APMAP: variants seen among roughly 807,000 people sequenced by gnomAD.
APMAP encodes the protein adipocyte plasma membrane associated protein.
A neutral mutation model predicts 43.6 loss-of-function variants in APMAP; 33 were observed. The observed-to-expected ratio is 0.76, with a 90% CI of 0.57 to 1.01. APMAP has a LOEUF of 1.01. Among genes scored for constraint, APMAP ranks in the 50% least tolerant of loss-of-function variants. APMAP has a pLI of 0.00. For synonymous variants in APMAP, 224 were observed against 216.7 expected (o/e 1.03, Z -0.30); for missense variants, 498 against 540.7 (o/e 0.92, Z 0.78).
In APMAP at chr20:24,969,579, A is replaced by G. The variant is rs767438976; in HGVS notation, c.795T>C (p.Ser265=). The G allele has an allele frequency of 6.2e-7, 1 of 1,614,054 alleles. No homozygotes were observed. Among genetic ancestry groups the G allele is most frequent in the South Asian group, 1.1e-5 (1 of 91,068 alleles). Reference sequence around the variant, plus strand: ...CCACCAGGACAAAGTCTTCTGCAGGAGACAGCTGGACTCCATTCGGGAACC... The same window carrying G: ...CCACCAGGACAAAGTCTTCTGCAGGGGACAGCTGGACTCCATTCGGGAACC... ...QLRFPNGVQL[S]PAEDFVLVAE... is the part of the protein sequence containing the mutation. Residue 265 remains serine (S), a synonymous_variant, in exon 7 of 9, where the codon TCT becomes TCC. Coordinates refer to ENST00000217456, the MANE Select transcript of APMAP (RefSeq NM_020531.3).
intron 2 of APMAP, among the ~76,000 whole-genome samples, chr20:24,981,207 T>C (rs999264763): frequency 6.6e-6 from 1 of 152,158 alleles, no homozygotes; most frequent in Non-Finnish European, 1.5e-5. Context: ...TCTGGGAAGA[T>C]TAGAGGGCTG....
intron 3 of APMAP, among the ~76,000 whole-genome samples, 177 bp downstream of exon 3, chr20:24,978,590 G>A (rs2088070818): frequency 6.6e-6 from 1 of 152,202 alleles, no homozygotes; most frequent in African/African-American, 2.4e-5. Flanking sequence ...CCAGCAGAAA[G>A]AGCCACTAGG....
chr20:24,992,315 A>G (rs541376328), intron 1 of APMAP, among the ~76,000 whole-genome samples: 1 of 152,270 alleles, frequency 6.6e-6, no homozygotes, highest in Admixed American at 6.5e-5. Context: ...AAGGCAAAGG[A>G]GCGGCGCGAG....
intron 1 of APMAP, among the ~76,000 whole-genome samples, chr20:24,989,092 T>A (rs1245525614): frequency 6.7e-6 from 1 of 149,360 alleles, no homozygotes; most frequent in African/African-American, 2.5e-5. Flanking sequence ...TTTCTCGGTG[T>A]CTGCCTCCCT....
At position 24,963,900 on chromosome 20, in the gene APMAP, G is replaced by A; in HGVS notation, c.1164C>T (p.Ile388=). The change falls in exon 9 of 9, where the codon ATC becomes ATT. Residue 388 remains isoleucine, a synonymous_variant. Coordinates refer to ENST00000217456, the MANE Select transcript of APMAP (RefSeq NM_020531.3). ...GCCCATCGTGTTCGTGCACCTCGCT[G>A]ATGTAGGTGGCCACCAGCCCATCGG... The part of the protein sequence containing the change: ...HDPDGLVATY[I]SEVHEHDGHL... 1.2e-6 allele frequency: 2 copies of A among 1,614,256 alleles called. No homozygotes were observed. Among genetic ancestry groups the A allele is most frequent in the Non-Finnish European group, 1.7e-6 (2 of 1,180,050 alleles).
chr20:24,982,705 C>G (rs2088114999), intron 2 of APMAP, among the ~76,000 whole-genome samples: 1 of 152,180 alleles, frequency 6.6e-6, no homozygotes. Context: ...ACAGTTCACT[C>G]CCCCACCTTA....
chr20:24,992,734 G>T lies in APMAP; in HGVS notation c.-46C>A. The T allele has an allele frequency of 1.4e-6, 2 of 1,403,016 alleles. No individual in the cohort carries two copies. Among genetic ancestry groups the T allele is most frequent in the Non-Finnish European group, 9.5e-7 (1 of 1,058,104 alleles). 86.9% of individuals were successfully genotyped at this position (1,403,016 alleles called of 1,614,324 possible). A position where few individuals can be genotyped will look rare whatever the true frequency, so the allele number is the denominator to read the frequency against. On this transcript the variant is annotated 5_prime_UTR_variant, in exon 1 of 9. Coordinates refer to ENST00000217456, the MANE Select transcript of APMAP (RefSeq NM_020531.3). ...CCGCAGAAACCACCTCACACTGAGC[G>T]GCGCCGGCTCAGACTCCAGGCCCGC...
In APMAP at chr20:24,970,376, A is replaced by G. The variant is rs771630262; in HGVS notation, c.539-5T>C. 3 of 1,600,268 alleles carry G rather than the reference A, an allele frequency of 1.9e-6. No individual in the cohort carries two copies. In the African/African-American group the frequency reaches 4.0e-5, roughly 22 times the overall value. On this transcript the variant is annotated splice_polypyrimidine_tract_variant and splice_region_variant and intron_variant, in intron 5 of 8. Transcript: ENST00000217456. ...ACAGCAGCAGTTTCACTTCACCTGAAGTTTAAAAAGAAAGAAAAAGATTGA... is the reference window on the plus strand; with the variant it reads ...ACAGCAGCAGTTTCACTTCACCTGAGGTTTAAAAAGAAAGAAAAAGATTGA...
intron 6 of APMAP, among the ~76,000 whole-genome samples, chr20:24,969,898 A>C (rs2087984365): frequency 6.6e-6 from 1 of 152,258 alleles, no homozygotes; most frequent in South Asian, 2.1e-4. Context: ...GGAGCTGGAC[A>C]GGAATACCCC....
intron 4 of APMAP, among the ~76,000 whole-genome samples, chr20:24,973,082 T>C (rs973838797): frequency 1.3e-5 from 2 of 152,248 alleles, no homozygotes; most frequent in African/African-American, 4.8e-5. Context: ...CTTTGTGTTG[T>C]TTGTGTTTAT....
At position 24,983,962 on chromosome 20, in the gene APMAP, G is replaced by A. The variant is rs773210110; in HGVS notation, c.153C>T (p.Thr51=). Residue 51 remains threonine (T), a synonymous_variant, in exon 2 of 9, where the codon ACC becomes ACT. Transcript: ENST00000217456. ...GCATCATGGCTCCAAGCAGGGGAAC[G>A]GTGAGAGAAACAGCCAGCATCAAGA... ...VTFLMLAVSL[T]VPLLGAMMLL... 1.3e-4 allele frequency: 215 copies of A among 1,613,874 alleles called. No homozygotes were observed. The highest frequency in any genetic ancestry group is 1.7e-4 in the Non-Finnish European group (197 of 1,179,952).
chr20:24,966,128 C>T (rs1369136975), intron 8 of APMAP, among the ~76,000 whole-genome samples: 1 of 152,018 alleles, frequency 6.6e-6, no homozygotes, highest in African/African-American at 2.4e-5. Context: ...GAGAAATGGC[C>T]GATTGCAGAG....
At chr20:24,980,877 C>A (rs542773370) in intron 2 of APMAP, among the ~76,000 whole-genome samples, 13 of 152,364 alleles carry the variant, frequency 8.5e-5, no homozygotes, top group Admixed American at 2.6e-4. Flanking sequence ...ATCACCTCTA[C>A]ACGCCAGGCA....
chr20:24,984,120 C>A, intron 1 of APMAP, 101 bp from the exon 2 acceptor site: 1 of 860,270 alleles, frequency 1.2e-6, no homozygotes, highest in Non-Finnish European at 1.8e-6. Flanking sequence ...GACGCTCATC[C>A]AGTTTCCCCA....
intron 4 of APMAP, among the ~76,000 whole-genome samples, chr20:24,971,944 A>C (rs1465051162): frequency 7.0e-6 from 1 of 143,760 alleles, no homozygotes; most frequent in African/African-American, 2.6e-5. Context: ...TACTCACTGC[A>C]GGTGCTTATT....
chr20:24,977,823 T>C (rs2088063400), intron 3 of APMAP, among the ~76,000 whole-genome samples: 1 of 152,260 alleles, frequency 6.6e-6, no homozygotes, highest in Non-Finnish European at 1.5e-5. Flanking sequence ...TAAATGCCAA[T>C]GTCTTTTTAA....
intron 2 of APMAP, among the ~76,000 whole-genome samples, chr20:24,980,545 A>G (rs2088094340): frequency 6.9e-6 from 1 of 145,266 alleles, no homozygotes; most frequent in Non-Finnish European, 1.5e-5. Flanking sequence ...TCAAGAGGCT[A>G]TGCCACGATG....
intron 2 of APMAP, among the ~76,000 whole-genome samples, chr20:24,982,913 T>C (rs936082767): frequency 6.2e-5 from 9 of 144,284 alleles, no homozygotes; most frequent in Non-Finnish European, 1.2e-4. Flanking sequence ...AAAATCCATC[T>C]GAAGACCCAC....
In APMAP at chr20:24,992,645, G is replaced by A. The variant is rs779302394; in HGVS notation, c.44C>T (p.Pro15Leu). ...DGLRQRRPLR[P>L]QVVTDDDGQA... Reference sequence around the variant, plus strand: ...GCCATCATCGTCTGTGACGACCTGCGGCCGCAGGGGCCGGCGCTGTCGCAG... The same window carrying A: ...GCCATCATCGTCTGTGACGACCTGCAGCCGCAGGGGCCGGCGCTGTCGCAG... Residue 15 changes from proline (P) to leucine (L), a missense_variant, in exon 1 of 9, where the codon CCG (proline) becomes CTG (leucine). Coordinates refer to ENST00000217456, the MANE Select transcript of APMAP (RefSeq NM_020531.3). The A allele has an allele frequency of 7.0e-6, 11 of 1,562,738 alleles. No homozygotes were observed. Among genetic ancestry groups the A allele is most frequent in the Middle Eastern group, 1.7e-4 (1 of 5,868 alleles).
Sources: gnomAD v4.1 joint callset for allele counts (sites outside exome capture counted in the v4.1 genomes callset) on GRCh38, gnomAD v4.1.1 for gene constraint, MANE v1.5 for transcripts, NCBI Gene and HGNC (gene_info 2026-07-23, HGNC 2026-07-21) for gene names.